The following TAB2 variants were observed in gnomAD, a reference collection of about 807,000 sequenced individuals.
TAB2 encodes TGF-beta-activated kinase 1 and MAP3K7-binding protein 2.
TAB2 carries 3 observed loss-of-function variants against 65.0 expected under a neutral mutation model. The observed-to-expected ratio is 0.05, with a 90% CI of 0.02 to 0.12. The LOEUF (loss-of-function observed/expected upper bound fraction) is 0.12, where lower values mean the gene tolerates loss of function less well. TAB2 is among the 10% of genes least tolerant of loss of function. The pLI, the probability that TAB2 is intolerant of heterozygous loss-of-function variation, is 1.00. For synonymous variants in TAB2, 298 were observed against 285.1 expected, an observed-to-expected ratio of 1.05 and a Z score of -0.46; for missense variants, 623 against 840.3, an observed-to-expected ratio of 0.74 and a Z score of 3.20.
At chr6:149,283,717 A>AAAAC (rs549342376) in intron 1 of TAB2, among the ~76,000 whole-genome samples, 189 of 152,192 alleles carry the variant, frequency 1.2e-3, no homozygotes, top group African/African-American at 4.1e-3. Flanking sequence ...TCTAAAAAAC[A>AAAAC]AAACAAACAA....
At chr6:149,397,838 CTA>C (rs1482103941) in intron 4 of TAB2, 74 bp downstream of exon 4, 1 of 1,589,490 alleles carries the variant, frequency 6.3e-7, no homozygotes, top group African/African-American at 1.3e-5. Context: ...TGTAATATCT[CTA>C]TCTAGTTTTC....
chr6:149,286,462 A>G (rs561479911), intron 1 of TAB2, among the ~76,000 whole-genome samples: 8 of 152,226 alleles, frequency 5.3e-5, no homozygotes, highest in African/African-American at 1.7e-4. Context: ...AAAGCCAGAG[A>G]GCCCATCATC....
chr6:149,341,412 C>T (rs1218241393), intron 1 of TAB2, among the ~76,000 whole-genome samples: 1 of 152,088 alleles, frequency 6.6e-6, no homozygotes, highest in Non-Finnish European at 1.5e-5. Context: ...CTTAAGTATA[C>T]CCACATGTTT....
intron 3 of TAB2, 125 bp downstream of exon 3, chr6:149,379,643 T>C: frequency 1.2e-6 from 1 of 862,602 alleles, no homozygotes; most frequent in Non-Finnish European, 1.9e-6. Flanking sequence ...CAAATGATGT[T>C]ATTGTAACAT....
chr6:149,373,572 A>G (rs1323445157), intron 2 of TAB2, among the ~76,000 whole-genome samples: 1 of 152,224 alleles, frequency 6.6e-6, no homozygotes. Flanking sequence ...TGTTGGTTAA[A>G]GGAGTGAATG....
At chr6:149,364,677 G>A (rs1317493467) in intron 1 of TAB2, among the ~76,000 whole-genome samples, 1 of 149,676 alleles carries the variant, frequency 6.7e-6, no homozygotes, top group Non-Finnish European at 1.5e-5. Context: ...AATAGATGAT[G>A]ATAGTCCCAG....
intron 1 of TAB2, among the ~76,000 whole-genome samples, chr6:149,252,282 G>A (rs1777877941): frequency 6.6e-6 from 1 of 151,870 alleles, no homozygotes; most frequent in African/African-American, 2.4e-5. Flanking sequence ...GCACATGCCT[G>A]TAATCCCAGC....
chr6:149,372,264 G>C (rs1234509026), intron 2 of TAB2: 1 of 152,092 alleles, frequency 6.6e-6, no homozygotes, highest in African/African-American at 2.4e-5. Context: ...GCAGAGCAGA[G>C]TATATAGACA....
intron 1 of TAB2, among the ~76,000 whole-genome samples, chr6:149,230,594 AC>A (rs1291033004): frequency 6.6e-6 from 1 of 152,242 alleles, no homozygotes; most frequent in African/African-American, 2.4e-5. Flanking sequence ...AGTTTTCTAG[AC>A]AGCCACCAGA....
At chr6:149,233,292 G>T (rs185668632) in intron 1 of TAB2, among the ~76,000 whole-genome samples, 3 of 152,230 alleles carry the variant, frequency 2.0e-5, no homozygotes, top group South Asian at 4.1e-4. Context: ...ACCTCCCTCC[G>T]CTCAGTGTGC....
At chr6:149,244,552 A>G (rs189254312) in intron 1 of TAB2, 1 of 152,478 alleles carries the variant, frequency 6.6e-6, no homozygotes, top group East Asian at 1.9e-4. Flanking sequence ...AAGAGCAAGC[A>G]TACAGGAAGA....
intron 3 of TAB2, among the ~76,000 whole-genome samples, chr6:149,383,991 T>A (rs920830841): frequency 5.9e-5 from 9 of 152,186 alleles, no homozygotes; most frequent in African/African-American, 2.2e-4. Flanking sequence ...TCACAGACAC[T>A]CTCTGCAGTT....
intron 1 of TAB2, among the ~76,000 whole-genome samples, chr6:149,309,955 C>T (rs973885433): frequency 6.6e-6 from 1 of 152,044 alleles, no homozygotes; most frequent in African/African-American, 2.4e-5. Flanking sequence ...TGTTCTGCAA[C>T]CTGGTTATTT....
intron 6 of TAB2, 116 bp from the exon 7 acceptor site, chr6:149,409,461 C>T (rs1376827251): frequency 1.8e-5 from 16 of 905,050 alleles, no homozygotes; most frequent in South Asian, 1.7e-4. Context: ...GCTAGATGCC[C>T]CATTTGGGGA....
At chr6:149,323,899 A>C (rs1401836572) in intron 1 of TAB2, among the ~76,000 whole-genome samples, 1 of 139,504 alleles carries the variant, frequency 7.2e-6, no homozygotes, top group African/African-American at 2.7e-5. Flanking sequence ...CATACAACTG[A>C]ATATTTTATA....
At chr6:149,309,587 C>A (rs572391721) in intron 1 of TAB2, among the ~76,000 whole-genome samples, 1 of 151,736 alleles carries the variant, frequency 6.6e-6, no homozygotes, top group African/African-American at 2.4e-5. Context: ...TTAGTAGAGA[C>A]GGGGTTTCAC....
intron 1 of TAB2, among the ~76,000 whole-genome samples, chr6:149,225,800 C>G (rs1472769450): frequency 1.3e-5 from 2 of 152,058 alleles, no homozygotes; most frequent in African/African-American, 4.8e-5. Context: ...GTGTTAGGTA[C>G]TCCCATTGCT....
intron 1 of TAB2, among the ~76,000 whole-genome samples, chr6:149,365,319 C>A (rs918222118): frequency 2.6e-5 from 4 of 152,066 alleles, no homozygotes; most frequent in Admixed American, 2.6e-4. Flanking sequence ...TTTGGGTTGT[C>A]CTTACAAATG....
chr6:149,257,725 G>T (rs1353234979), intron 1 of TAB2, among the ~76,000 whole-genome samples: 3 of 152,106 alleles, frequency 2.0e-5, no homozygotes, highest in Non-Finnish European at 4.4e-5. Flanking sequence ...ATCTCTGGGG[G>T]CAGAGTCTTG....
Sources: gnomAD v4.1 joint callset for allele counts (sites outside exome capture counted in the v4.1 genomes callset) on GRCh38, gnomAD v4.1.1 for gene constraint, MANE v1.5 for transcripts, NCBI Gene and HGNC (gene_info 2026-07-23, HGNC 2026-07-21) for gene names.